ELF2: variants seen among roughly 807,000 people sequenced by gnomAD.
The protein encoded by ELF2 is E74 like ETS transcription factor 2, also known as ETS-related transcription factor Elf-2.
Under a neutral mutation model 54.8 loss-of-function variants are expected in ELF2, and 11 were observed. The ratio of observed to expected loss-of-function variants is 0.20; its 90% CI spans 0.13 to 0.33. The LOEUF (loss-of-function observed/expected upper bound fraction) is 0.33, where lower values mean the gene tolerates loss of function less well. Among genes scored for constraint, ELF2 ranks in the 10% least tolerant of loss-of-function variants. ELF2 has a pLI of 1.00. For missense variants in ELF2, 513 were observed against 703.0 expected, an observed-to-expected ratio of 0.73 and a Z score of 3.06; for synonymous variants, 203 against 245.1, an observed-to-expected ratio of 0.83 and a Z score of 1.61.
intron 4 of ELF2, among the ~76,000 whole-genome samples, chr4:139,094,950 C>G (rs151254222): frequency 5.9e-5 from 9 of 151,954 alleles, no homozygotes; most frequent in Non-Finnish European, 4.4e-5. Context: ...CTCTTGCATA[C>G]GGCAAACCTG....
chr4:139,064,788 G>A (rs1286346045), intron 7 of ELF2, among the ~76,000 whole-genome samples: 3 of 152,070 alleles, frequency 2.0e-5, no homozygotes, highest in Non-Finnish European at 4.4e-5. Flanking sequence ...GCTGAGGCAG[G>A]AGAATCGCTT....
intron 1 of ELF2, among the ~76,000 whole-genome samples, chr4:139,174,758 G>T (rs1156810158): frequency 1.3e-5 from 2 of 152,194 alleles, no homozygotes; most frequent in Admixed American, 6.5e-5. Context: ...AGAATATGCA[G>T]AGTTTATATG....
At chr4:139,140,407 T>C (rs562292932) in intron 1 of ELF2, among the ~76,000 whole-genome samples, 2 of 152,274 alleles carry the variant, frequency 1.3e-5, no homozygotes, top group Admixed American at 1.3e-4. Flanking sequence ...CATACTACCA[T>C]TGGACTTCTT....
intron 3 of ELF2, among the ~76,000 whole-genome samples, chr4:139,126,044 A>T (rs573891169): frequency 6.6e-6 from 1 of 152,328 alleles, no homozygotes; most frequent in South Asian, 2.1e-4. Context: ...TTTTTAGTCC[A>T]TCACTTTTAG....
chr4:139,091,736 T>A (rs1732595494), intron 4 of ELF2, among the ~76,000 whole-genome samples: 1 of 151,992 alleles, frequency 6.6e-6, no homozygotes, highest in Non-Finnish European at 1.5e-5. Context: ...CATCTTGGCC[T>A]CCCACAGTGT....
At position 139,142,321 on chromosome 4, in the gene ELF2, C is replaced by T. The variant is rs80165647; in HGVS notation, c.-251-2824G>A. Among the ~76,000 whole-genome samples, 116 of 152,186 alleles carry T rather than the reference C, an allele frequency of 7.6e-4. No homozygotes were observed. The East Asian group carries it at 0.021, about 27-fold the overall frequency. On this transcript the variant is annotated intron_variant, in intron 1 of 9. Transcript: ENST00000686138. ...CCTTCTAGTCAAAAGAAATTCAACA[C>T]CCTCAAGAGGATGTATGCCTGACTA...
chr4:139,092,642 A>C (rs1217254008), intron 4 of ELF2, among the ~76,000 whole-genome samples: 1 of 151,810 alleles, frequency 6.6e-6, no homozygotes, highest in Non-Finnish European at 1.5e-5. Flanking sequence ...CTACTAAAAA[A>C]TACAAAAACT....
At chr4:139,088,040 A>G (rs1012317980) in intron 4 of ELF2, among the ~76,000 whole-genome samples, 10 of 152,182 alleles carry the variant, frequency 6.6e-5, no homozygotes, top group Admixed American at 6.5e-5. Flanking sequence ...TAATCCCAGC[A>G]CTTTGGGGAG....
At position 139,149,659 on chromosome 4, in the gene ELF2, A is replaced by G. The variant is rs1486353863; in HGVS notation, c.-251-10162T>C. Among the ~76,000 whole-genome samples, 3 of 152,302 alleles carry G rather than the reference A, an allele frequency of 2.0e-5. No homozygotes were observed. In the East Asian group the frequency reaches 5.8e-4, roughly 29 times the overall value. ...AAAAAACTAAACAGTGTCATTTACCATAACCATAAAAACTACAAACCTAAG... is the reference window on the plus strand; with the variant it reads ...AAAAAACTAAACAGTGTCATTTACCGTAACCATAAAAACTACAAACCTAAG... On this transcript the variant is annotated intron_variant, in intron 1 of 9. Coordinates refer to ENST00000686138, the MANE Select transcript of ELF2 (RefSeq NM_001331036.3).
At chr4:139,081,408 T>C (rs1731096538) in intron 4 of ELF2, among the ~76,000 whole-genome samples, 2 of 152,218 alleles carry the variant, frequency 1.3e-5, no homozygotes, top group Non-Finnish European at 2.9e-5. Context: ...AAGTGTTATA[T>C]ACTTGCTTAG....
intron 4 of ELF2, among the ~76,000 whole-genome samples, chr4:139,098,200 T>C (rs1733488374): frequency 6.6e-6 from 1 of 152,368 alleles, no homozygotes; most frequent in East Asian, 1.9e-4. Context: ...TAATTTCATA[T>C]ATGCTTTTTT....
At chr4:139,081,208 C>A (rs1269195548) in intron 4 of ELF2, among the ~76,000 whole-genome samples, 1 of 152,100 alleles carries the variant, frequency 6.6e-6, no homozygotes, top group African/African-American at 2.4e-5. Flanking sequence ...TACAAACATA[C>A]TTTGTAAAAT....
At chr4:139,157,431 ACT>A (rs1560878775) in intron 1 of ELF2, among the ~76,000 whole-genome samples, 1 of 151,468 alleles carries the variant, frequency 6.6e-6, no homozygotes, top group Non-Finnish European at 1.5e-5. Flanking sequence ...ACTGGGTCTC[ACT>A]CTGTCAACCA....
At chr4:139,063,769 G>A (rs1402132871) in intron 7 of ELF2, among the ~76,000 whole-genome samples, 1 of 151,944 alleles carries the variant, frequency 6.6e-6, no homozygotes, top group African/African-American at 2.4e-5. Flanking sequence ...TTCCAAGAGT[G>A]AAAATAAAGT....
intron 1 of ELF2, among the ~76,000 whole-genome samples, chr4:139,176,027 C>A (rs763803717): frequency 1.2e-4 from 19 of 152,306 alleles, no homozygotes; most frequent in Admixed American, 3.3e-4. Context: ...GAGGGCTCGG[C>A]TACCCTGATC....
intron 4 of ELF2, among the ~76,000 whole-genome samples, chr4:139,123,091 G>A (rs564417999): frequency 4.0e-5 from 6 of 151,728 alleles, no homozygotes; most frequent in Admixed American, 2.0e-4. Context: ...GGCTGAGGCA[G>A]GAGAATCATT....
intron 3 of ELF2, among the ~76,000 whole-genome samples, chr4:139,128,964 G>C (rs1737221467): frequency 6.6e-6 from 1 of 151,078 alleles, no homozygotes; most frequent in African/African-American, 2.4e-5. Flanking sequence ...TTTTGAAATG[G>C]AGTTTCGCTC....
chr4:139,135,868 T>C (rs1041094761), intron 3 of ELF2, among the ~76,000 whole-genome samples: 3 of 152,226 alleles, frequency 2.0e-5, no homozygotes, highest in Non-Finnish European at 2.9e-5. Flanking sequence ...AGATTCTTTC[T>C]TCCACGATAA....
chr4:139,127,536 T>A (rs559841681), intron 3 of ELF2, among the ~76,000 whole-genome samples: 8 of 152,174 alleles, frequency 5.3e-5, no homozygotes, highest in Non-Finnish European at 1.2e-4. Context: ...AGGACTATTT[T>A]CATAGGTGGC....
Sources: allele counts gnomAD v4.1 joint callset (sites outside exome capture counted in the v4.1 genomes callset), GRCh38; gene constraint gnomAD v4.1.1; transcripts MANE v1.5; gene names NCBI Gene and HGNC (gene_info 2026-07-23, HGNC 2026-07-21).